The following CSMD1 variants were observed in gnomAD, a reference collection of about 807,000 sequenced individuals.
CSMD1 encodes the protein CUB and sushi domain-containing protein 1.
CSMD1 carries 213 observed loss-of-function variants against 417.5 expected under a neutral mutation model. That is an observed-to-expected ratio of 0.51 (90% CI 0.46 to 0.57). The LOEUF is 0.57. Ranked by LOEUF, CSMD1 falls within the 20% of genes least tolerant of loss-of-function variation. The pLI is 0.00. For missense variants in CSMD1, 6,923 were observed against 4,529.7 expected (o/e 1.53, Z -15.17); for synonymous variants, 2,862 against 1,736.8 (o/e 1.65, Z -16.11).
rs1800062884 is a variant in CSMD1, at chr8:3,795,896, T to TATATATATCATGTACAGATATAG, written c.819-41877_819-41855dup. On this transcript the variant is annotated intron_variant, in intron 5 of 69. Coordinates refer to ENST00000635120, the MANE Select transcript of CSMD1 (RefSeq NM_033225.6). ...TAGATATATATCTATCATGTACAGA[T>TATATATATCATGTACAGATATAG]ATATATATCATGTACAGATATAGAT... Among the ~76,000 whole-genome samples, 4 of 36,770 alleles carry TATATATATCATGTACAGATATAG rather than the reference T, an allele frequency of 1.1e-4. 2 individuals are homozygous for TATATATATCATGTACAGATATAG. Among genetic ancestry groups the TATATATATCATGTACAGATATAG allele is most frequent in the Non-Finnish European group, 2.6e-4 (4 of 15,452 alleles). The allele number at this position is 36,770 out of a possible 152,430, so 24.1% of individuals were successfully genotyped here. A position where few individuals can be genotyped will look rare whatever the true frequency, so the allele number is the denominator to read the frequency against.
At chr8:3,334,094 G>A (rs75658598) in intron 23 of CSMD1, among the ~76,000 whole-genome samples, 4,208 of 152,268 alleles carry the variant, frequency 0.028, 84 homozygotes, top group Non-Finnish European at 0.039. Context: ...TATATGAGAC[G>A]CACACAGAGT....
At chr8:3,655,705 C>T (rs987805630) in intron 7 of CSMD1, among the ~76,000 whole-genome samples, 7 of 151,136 alleles carry the variant, frequency 4.6e-5, no homozygotes, top group African/African-American at 1.7e-4. Flanking sequence ...TGTATATCCA[C>T]CCATTCTAAA....
chr8:2,983,975 G>A lies in CSMD1; in HGVS notation c.8378-5175C>T, dbSNP rs146715450. 1.7e-3 allele frequency among the ~76,000 whole-genome samples: 263 copies of A among 152,226 alleles called. 4 individuals are homozygous for A. The highest frequency in any genetic ancestry group is 5.9e-3 in the African/African-American group (245 of 41,530). ...TAAAAATTAATATTAAGCAAAATTGGCAGAAATACACTGTTACAGTATGAA... is the reference window on the plus strand; with the variant it reads ...TAAAAATTAATATTAAGCAAAATTGACAGAAATACACTGTTACAGTATGAA... On this transcript the variant is annotated intron_variant, in intron 54 of 69. Coordinates refer to ENST00000635120, the MANE Select transcript of CSMD1 (RefSeq NM_033225.6).
chr8:4,632,980 T>G (rs1406628336), intron 2 of CSMD1, among the ~76,000 whole-genome samples: 1 of 152,040 alleles, frequency 6.6e-6, no homozygotes, highest in Non-Finnish European at 1.5e-5. Context: ...CAGAATGCAG[T>G]TTGGAGTCCG....
intron 1 of CSMD1, among the ~76,000 whole-genome samples, chr8:4,833,309 C>G (rs1429853036): frequency 6.6e-6 from 1 of 152,142 alleles, no homozygotes; most frequent in Non-Finnish European, 1.5e-5. Context: ...GAATGGGAAG[C>G]AAGCATGTCT....
chr8:3,145,714 G>A (rs999712170), intron 40 of CSMD1, among the ~76,000 whole-genome samples: 11 of 152,120 alleles, frequency 7.2e-5, no homozygotes, highest in Non-Finnish European at 1.5e-4. Flanking sequence ...ACATTGTAAA[G>A]CCCAAATAAA....
intron 1 of CSMD1, among the ~76,000 whole-genome samples, chr8:4,958,260 A>G (rs1809252802): frequency 6.6e-6 from 1 of 152,222 alleles, no homozygotes; most frequent in African/African-American, 2.4e-5. Context: ...TTAGAAAAAC[A>G]GGTTCAATGA....
chr8:4,980,204 G>C (rs913238479), intron 1 of CSMD1, among the ~76,000 whole-genome samples: 3 of 152,202 alleles, frequency 2.0e-5, no homozygotes, highest in Non-Finnish European at 2.9e-5. Context: ...GCCATCTCCT[G>C]AGCTTCGAGG....
At chr8:4,933,694 G>C (rs763130260) in intron 1 of CSMD1, among the ~76,000 whole-genome samples, 2 of 152,146 alleles carry the variant, frequency 1.3e-5, no homozygotes, top group African/African-American at 2.4e-5. Context: ...AAGATAAATG[G>C]ATGGATGGAA....
chr8:3,398,143 G>C (rs1267962970), intron 16 of CSMD1, among the ~76,000 whole-genome samples: 2 of 152,136 alleles, frequency 1.3e-5, no homozygotes. Flanking sequence ...GGCCAGAGAA[G>C]AATATAGGAT....
At chr8:3,458,561 T>C (rs1816300475) in intron 12 of CSMD1, among the ~76,000 whole-genome samples, 1 of 152,214 alleles carries the variant, frequency 6.6e-6, no homozygotes, top group Non-Finnish European at 1.5e-5. Flanking sequence ...TACTTGTTTG[T>C]TTTAATATCG....
chr8:4,185,615 G>A (rs184420622), intron 3 of CSMD1, among the ~76,000 whole-genome samples: 4 of 152,198 alleles, frequency 2.6e-5, no homozygotes, highest in East Asian at 3.9e-4. Flanking sequence ...TTATGAAATT[G>A]CACGTTATTT....
intron 2 of CSMD1, among the ~76,000 whole-genome samples, chr8:4,467,166 G>T (rs1202301911): frequency 1.4e-5 from 2 of 147,564 alleles, no homozygotes; most frequent in African/African-American, 4.9e-5. Flanking sequence ...AACAAATGTT[G>T]ACAACTCGTT....
intron 3 of CSMD1, among the ~76,000 whole-genome samples, chr8:4,201,348 G>C (rs993939529): frequency 5.3e-5 from 8 of 151,796 alleles, no homozygotes; most frequent in African/African-American, 1.9e-4. Context: ...ACCATCTTGG[G>C]TAACACGGTG....
At chr8:4,560,053 G>C (rs1465456728) in intron 2 of CSMD1, among the ~76,000 whole-genome samples, 1 of 152,208 alleles carries the variant, frequency 6.6e-6, no homozygotes, top group African/African-American at 2.4e-5. Context: ...TGCCACCCTT[G>C]GGGTCCTCGA....
chr8:3,621,629 G>C (rs1194730083), intron 7 of CSMD1, among the ~76,000 whole-genome samples: 1 of 151,856 alleles, frequency 6.6e-6, no homozygotes, highest in African/African-American at 2.4e-5. Context: ...ATCTTGTTCT[G>C]TTGCCCAGGC....
At chr8:4,438,931 T>A (rs866469714) in intron 2 of CSMD1, among the ~76,000 whole-genome samples, 1 of 152,224 alleles carries the variant, frequency 6.6e-6, no homozygotes, top group Non-Finnish European at 1.5e-5. Context: ...CAATATATGG[T>A]GTAGGATTCC....
rs116263679 is a variant in CSMD1 at position 3,093,438 on chromosome 8, G to A, written c.7139-1776C>T. ...TCCCAGCGCTTTGGGAGGTAGAGGC[G>A]AGTGGATCGCCTGAGGTCAGAAGTT... On this transcript the variant is annotated intron_variant, in intron 47 of 69. Transcript: ENST00000635120. Among the ~76,000 whole-genome samples, 1,298 of 152,248 alleles carry A rather than the reference G, an allele frequency of 8.5e-3. 17 individuals carry two copies. The highest frequency in any genetic ancestry group is 0.03 in the African/African-American group (1,245 of 41,536).
In CSMD1 at chr8:3,575,007, G is replaced by T. The variant is rs1312228252; in HGVS notation, c.1282C>A (p.Pro428Thr). ...PSGVITSPNYPVQYEDNAHCV... is the reference protein window; with the variant it reads ...PSGVITSPNYTVQYEDNAHCV... The stretch of plus-strand genomic sequence containing the variant: ...TGTGCATTATCTTCATACTGAACCG[G>T]ATAATTAGGGGAGGTAATGACGCCG... The change falls in exon 10 of 70, where the codon CCG becomes ACG. Residue 428 changes from proline (P) to threonine (T), a missense_variant. Coordinates refer to ENST00000635120, the MANE Select transcript of CSMD1 (RefSeq NM_033225.6). 6.2e-7 allele frequency: 1 copy of T among 1,612,740 alleles called. No individual in the cohort carries two copies. The highest frequency in any genetic ancestry group is 1.7e-5 in the Admixed American group (1 of 59,994).
Sources: allele counts gnomAD v4.1 joint callset (sites outside exome capture counted in the v4.1 genomes callset), GRCh38; gene constraint gnomAD v4.1.1; transcripts MANE v1.5; gene names NCBI Gene and HGNC (gene_info 2026-07-23, HGNC 2026-07-21).